WDR70: variants seen among roughly 807,000 people sequenced by gnomAD.
WDR70 encodes WD repeat-containing protein 70.
A neutral mutation model predicts 88.6 loss-of-function variants in WDR70; 53 were observed. The observed-to-expected ratio is 0.60, with a 90% CI of 0.48 to 0.75. The LOEUF is 0.75. Ranked by LOEUF, WDR70 falls within the 30% of genes least tolerant of loss-of-function variation. The probability of loss-of-function intolerance (pLI) is 0.00; values close to 1 mark genes in which losing one functional copy is unlikely to be tolerated. For missense variants in WDR70, 610 were observed against 823.2 expected, an observed-to-expected ratio of 0.74 and a Z score of 3.17; for synonymous variants, 280 against 270.0, an observed-to-expected ratio of 1.04 and a Z score of -0.36.
chr5:37,419,366 C>T (rs1055921941), intron 5 of WDR70, among the ~76,000 whole-genome samples: 35 of 150,654 alleles, frequency 2.3e-4, no homozygotes, highest in Admixed American at 4.0e-4. Flanking sequence ...CCACCGTGCC[C>T]GGCTAATTTT....
intron 9 of WDR70, among the ~76,000 whole-genome samples, chr5:37,561,919 A>G (rs1223333327): frequency 6.6e-6 from 1 of 152,216 alleles, no homozygotes; most frequent in Non-Finnish European, 1.5e-5. Context: ...ATTAAGGTTG[A>G]AGGAAATAGT....
At chr5:37,658,656 G>T (rs1388816218) in intron 10 of WDR70, among the ~76,000 whole-genome samples, 3 of 152,010 alleles carry the variant, frequency 2.0e-5, no homozygotes, top group Non-Finnish European at 2.9e-5. Flanking sequence ...GTACTCCATT[G>T]TGAGGTCCCC....
intron 10 of WDR70, among the ~76,000 whole-genome samples, chr5:37,612,421 C>T (rs1744214724): frequency 6.6e-6 from 1 of 152,114 alleles, no homozygotes; most frequent in Non-Finnish European, 1.5e-5. Context: ...TTCCTAAGCT[C>T]TGTTCTTCTC....
At chr5:37,703,420 G>A (rs12519774) in intron 13 of WDR70, among the ~76,000 whole-genome samples, 63,895 of 152,070 alleles carry the variant, frequency 0.42, 15,445 homozygotes, top group Non-Finnish European at 0.54. Context: ...TGAGGATCTA[G>A]GGATTGTCGA....
chr5:37,413,500 A>C (rs1332856090), intron 5 of WDR70, among the ~76,000 whole-genome samples: 1 of 152,094 alleles, frequency 6.6e-6, no homozygotes, highest in African/African-American at 2.4e-5. Context: ...AGGTGGGCAG[A>C]TCATGAGGTC....
At chr5:37,614,450 T>G (rs1246769820) in intron 10 of WDR70, among the ~76,000 whole-genome samples, 1 of 152,196 alleles carries the variant, frequency 6.6e-6, no homozygotes, top group African/African-American at 2.4e-5. Context: ...AGGTAATATA[T>G]TAACAGGTTC....
intron 10 of WDR70, among the ~76,000 whole-genome samples, chr5:37,684,581 C>T (rs936385105): frequency 1.3e-5 from 2 of 152,226 alleles, no homozygotes; most frequent in African/African-American, 4.8e-5. Context: ...GCTCCCACTC[C>T]CGACTCCCGG....
At chr5:37,472,208 T>C (rs547653554) in intron 7 of WDR70, among the ~76,000 whole-genome samples, 2 of 152,144 alleles carry the variant, frequency 1.3e-5, no homozygotes, top group East Asian at 3.9e-4. Flanking sequence ...CTTTGATATT[T>C]GCATACACTT....
chr5:37,589,632 T>G (rs1291803405), intron 9 of WDR70, among the ~76,000 whole-genome samples: 3 of 152,110 alleles, frequency 2.0e-5, no homozygotes, highest in Non-Finnish European at 4.4e-5. Flanking sequence ...CAGGCTGGAG[T>G]GCAGTGGTGC....
intron 17 of WDR70, among the ~76,000 whole-genome samples, chr5:37,732,537 A>C (rs1748175821): frequency 1.3e-5 from 2 of 152,084 alleles, no homozygotes; most frequent in Admixed American, 1.3e-4. Flanking sequence ...TATCTTTGCC[A>C]ATCTGATAGG....
At chr5:37,668,752 G>C (rs1027529908) in intron 10 of WDR70, among the ~76,000 whole-genome samples, 23 of 152,206 alleles carry the variant, frequency 1.5e-4, no homozygotes, top group Admixed American at 2.6e-4. Context: ...GTCCTAGGTA[G>C]TCACACACTG....
At chr5:37,631,884 C>T (rs1186327321) in intron 10 of WDR70, among the ~76,000 whole-genome samples, 2 of 152,192 alleles carry the variant, frequency 1.3e-5, no homozygotes, top group African/African-American at 4.8e-5. Context: ...TATCTGTGCA[C>T]CCACAGAGTA....
intron 8 of WDR70, among the ~76,000 whole-genome samples, chr5:37,511,210 C>T (rs1370037113): frequency 6.6e-6 from 1 of 152,094 alleles, no homozygotes; most frequent in Non-Finnish European, 1.5e-5. Flanking sequence ...TTAACTCCAT[C>T]ATTTATTTTA....
intron 9 of WDR70, among the ~76,000 whole-genome samples, chr5:37,537,547 T>C (rs1741701626): frequency 6.6e-6 from 1 of 152,170 alleles, no homozygotes. Flanking sequence ...AAAGCTTCCA[T>C]TGTTTAAAAT....
At chr5:37,577,977 A>C (rs1217480154) in intron 9 of WDR70, among the ~76,000 whole-genome samples, 1 of 152,234 alleles carries the variant, frequency 6.6e-6, no homozygotes, top group Admixed American at 6.5e-5. Flanking sequence ...AACACAAACT[A>C]GCTTTTTAAA....
intron 17 of WDR70, among the ~76,000 whole-genome samples, chr5:37,747,083 A>G (rs1443922370): frequency 1.3e-5 from 2 of 152,202 alleles, no homozygotes; most frequent in African/African-American, 4.8e-5. Context: ...TCATCAAGTC[A>G]GCTTCATCCC....
chr5:37,598,164 A>T (rs1453376855), intron 9 of WDR70, among the ~76,000 whole-genome samples: 1 of 152,222 alleles, frequency 6.6e-6, no homozygotes, highest in Non-Finnish European at 1.5e-5. Flanking sequence ...TAATAAGTAC[A>T]AAAAGTTGAA....
chr5:37,549,118 A>G (rs189858474), intron 9 of WDR70, among the ~76,000 whole-genome samples: 2 of 152,276 alleles, frequency 1.3e-5, no homozygotes, highest in Admixed American at 1.3e-4. Flanking sequence ...AGCTTTGACT[A>G]TTCTGAGTCT....
chr5:37,518,680 CTTT>C (rs35818980), intron 9 of WDR70, among the ~76,000 whole-genome samples: 6 of 123,712 alleles, frequency 4.8e-5, no homozygotes, highest in Admixed American at 8.1e-5. Flanking sequence ...GCACAGATAT[CTTT>C]TTTTTTTTTT....
Sources: gnomAD v4.1 joint callset for allele counts (sites outside exome capture counted in the v4.1 genomes callset) on GRCh38, gnomAD v4.1.1 for gene constraint, MANE v1.5 for transcripts, NCBI Gene and HGNC (gene_info 2026-07-23, HGNC 2026-07-21) for gene names.